FBXL7: variants seen among roughly 807,000 people sequenced by gnomAD.
FBXL7 encodes F-box/LRR-repeat protein 7.
In FBXL7, 12 loss-of-function variants were observed where a neutral mutation model predicts 38.3. The ratio of observed to expected loss-of-function variants is 0.31; its 90% CI spans 0.20 to 0.51. The LOEUF is 0.51. Ranked by LOEUF, FBXL7 falls within the 20% of genes least tolerant of loss-of-function variation. The pLI, the probability that FBXL7 is intolerant of heterozygous loss-of-function variation, is 0.98. For synonymous variants in FBXL7, 297 were observed against 300.9 expected, an observed-to-expected ratio of 0.99 and a Z score of 0.13; for missense variants, 567 against 676.4, an observed-to-expected ratio of 0.84 and a Z score of 1.79.
chr5:15,694,278 C>A (rs1403605376), intron 2 of FBXL7, among the ~76,000 whole-genome samples: 1 of 152,010 alleles, frequency 6.6e-6, no homozygotes, highest in African/African-American at 2.4e-5. Flanking sequence ...TGTAGGTCTT[C>A]TTTTGACTTT....
chr5:15,777,419 T>TTTCTCTTAGTTGTAGTTAAGTG (rs1377136085), intron 2 of FBXL7, among the ~76,000 whole-genome samples: 4 of 152,072 alleles, frequency 2.6e-5, no homozygotes, highest in Non-Finnish European at 4.4e-5. Flanking sequence ...CCCTATCATC[T>TTTCTCTTAGTTGTAGTTAAGTG]ACCTGTGTCT....
chr5:15,670,345 G>C (rs545298597), intron 2 of FBXL7, among the ~76,000 whole-genome samples: 45 of 152,058 alleles, frequency 3.0e-4, no homozygotes, highest in Non-Finnish European at 5.9e-4. Flanking sequence ...AAAATTAAAA[G>C]TCTTTCTCCA....
chr5:15,694,129 C>T (rs755211762), intron 2 of FBXL7, among the ~76,000 whole-genome samples: 4 of 152,124 alleles, frequency 2.6e-5, no homozygotes, highest in Admixed American at 6.5e-5. Flanking sequence ...GGTCGGAGCC[C>T]GTACTCCCCA....
chr5:15,612,630 T>G (rs1297705722), intron 1 of FBXL7, among the ~76,000 whole-genome samples: 2 of 152,144 alleles, frequency 1.3e-5, no homozygotes, highest in Non-Finnish European at 2.9e-5. Context: ...TTGTCCAAGT[T>G]TCCCCATGTT....
chr5:15,553,564 G>A (rs1245801592), intron 1 of FBXL7, among the ~76,000 whole-genome samples: 1 of 152,172 alleles, frequency 6.6e-6, no homozygotes, highest in Non-Finnish European at 1.5e-5. Context: ...TCTAGCTAGT[G>A]CTTCATAAAT....
At chr5:15,873,254 GC>G (rs1441151968) in intron 2 of FBXL7, among the ~76,000 whole-genome samples, 1 of 152,160 alleles carries the variant, frequency 6.6e-6, no homozygotes, top group African/African-American at 2.4e-5. Flanking sequence ...GTGGGACACA[GC>G]TAAAGCAGTG....
chr5:15,927,764 T>TAAAAAAA lies in FBXL7; in HGVS notation c.128-109_128-103dup, dbSNP rs753935096. ...CACTCCCGCCTGGGCGACAAGATCTTAAAAAAAAAAAAAAAAAAAAAAAGA... is the reference window on the plus strand; with the variant it reads ...CACTCCCGCCTGGGCGACAAGATCTTAAAAAAAAAAAAAAAAAAAAAAAAAAAAAAGA... On this transcript the variant is annotated intron_variant, in intron 2 of 3. Transcript: ENST00000504595. The TAAAAAAA allele has an allele frequency of 9.1e-3, 4,111 of 453,136 alleles. 75 individuals carry two copies. Among genetic ancestry groups the TAAAAAAA allele is most frequent in the African/African-American group, 0.029 (778 of 27,226 alleles). 28.1% of individuals were successfully genotyped at this position (453,136 alleles called of 1,614,324 possible).
intron 1 of FBXL7, among the ~76,000 whole-genome samples, chr5:15,600,163 A>G (rs1375127381): frequency 4.6e-5 from 7 of 152,352 alleles, no homozygotes; most frequent in Non-Finnish European, 1.0e-4. Context: ...GGTGAAGCAG[A>G]GGACATGAAA....
chr5:15,500,792 G>T, intron 1 of FBXL7, 79 bp downstream of exon 1: 1 of 1,539,794 alleles, frequency 6.5e-7, no homozygotes, highest in Non-Finnish European at 8.9e-7. Flanking sequence ...TGGGAAGGGA[G>T]GTTCTCGCCC....
intron 2 of FBXL7, among the ~76,000 whole-genome samples, chr5:15,771,002 G>A (rs1039149744): frequency 1.3e-5 from 2 of 152,136 alleles, no homozygotes; most frequent in Non-Finnish European, 2.9e-5. Context: ...ACCTTTTAAC[G>A]GAATTTCCAC....
intron 2 of FBXL7, among the ~76,000 whole-genome samples, chr5:15,669,715 G>A (rs548451265): frequency 3.4e-4 from 51 of 152,112 alleles, no homozygotes; most frequent in African/African-American, 1.0e-3. Context: ...ATCCTGTCAC[G>A]GTAAGTTTCT....
chr5:15,783,629 C>G (rs1737057840), intron 2 of FBXL7, among the ~76,000 whole-genome samples: 1 of 152,116 alleles, frequency 6.6e-6, no homozygotes, highest in Non-Finnish European at 1.5e-5. Context: ...ACCCCAAGCC[C>G]TGAGGTTCAG....
At chr5:15,775,202 T>G (rs758015453) in intron 2 of FBXL7, among the ~76,000 whole-genome samples, 2 of 152,174 alleles carry the variant, frequency 1.3e-5, no homozygotes, top group Non-Finnish European at 2.9e-5. Context: ...ATAGGGAAGA[T>G]GTAGTAATAA....
chr5:15,801,016 G>A (rs1035633171), intron 2 of FBXL7, among the ~76,000 whole-genome samples: 7 of 152,136 alleles, frequency 4.6e-5, no homozygotes, highest in Admixed American at 3.3e-4. Context: ...TGCAAAGTCA[G>A]GCAGGACCTG....
chr5:15,754,141 T>C (rs1579435403), intron 2 of FBXL7, among the ~76,000 whole-genome samples: 1 of 152,186 alleles, frequency 6.6e-6, no homozygotes, highest in African/African-American at 2.4e-5. Context: ...ATGATGCTGG[T>C]GTGGGGAGCA....
intron 2 of FBXL7, among the ~76,000 whole-genome samples, chr5:15,894,061 G>C (rs1322717937): frequency 2.0e-5 from 3 of 152,260 alleles, no homozygotes; most frequent in Non-Finnish European, 4.4e-5. Context: ...GCCAAGGCGG[G>C]CGGTCGGGAG....
intron 2 of FBXL7, among the ~76,000 whole-genome samples, chr5:15,846,735 G>C (rs1020169522): frequency 1.3e-5 from 2 of 152,150 alleles, no homozygotes; most frequent in Non-Finnish European, 2.9e-5. Flanking sequence ...GAGAGAGAAA[G>C]AGAAGAGAGA....
At chr5:15,787,007 AAG>A (rs1240360330) in intron 2 of FBXL7, among the ~76,000 whole-genome samples, 1 of 152,204 alleles carries the variant, frequency 6.6e-6, no homozygotes, top group Admixed American at 6.5e-5. Context: ...AATCTATGTG[AAG>A]ACAGAGGCAG....
intron 2 of FBXL7, among the ~76,000 whole-genome samples, chr5:15,759,194 A>C (rs2126696040): frequency 6.6e-6 from 1 of 152,324 alleles, no homozygotes; most frequent in South Asian, 2.1e-4. Context: ...AATTGCAATA[A>C]GATTGTGTCA....
Sources: allele counts gnomAD v4.1 joint callset (sites outside exome capture counted in the v4.1 genomes callset), GRCh38; gene constraint gnomAD v4.1.1; transcripts MANE v1.5; gene names NCBI Gene and HGNC (gene_info 2026-07-23, HGNC 2026-07-21).